UBR1: variants seen among roughly 807,000 people sequenced by gnomAD.
UBR1 encodes E3 ubiquitin-protein ligase UBR1.
Under a neutral mutation model 242.1 loss-of-function variants are expected in UBR1, and 102 were observed. That is an observed-to-expected ratio of 0.42 (90% CI 0.36 to 0.50). UBR1 has a LOEUF of 0.50. Among genes scored for constraint, UBR1 ranks in the 20% least tolerant of loss-of-function variants. UBR1 has a pLI of 0.01. For synonymous variants in UBR1, 675 were observed against 684.8 expected (o/e 0.99, Z 0.22); for missense variants, 1,772 against 2,101.8 (o/e 0.84, Z 3.07).
At chr15:43,002,448 T>C (rs781735226) in intron 32 of UBR1, 107 bp downstream of exon 32, 4 of 1,317,108 alleles carry the variant, frequency 3.0e-6, no homozygotes, top group Non-Finnish European at 4.3e-6. Context: ...CTCGAACCCC[T>C]GAGCTCTGGC....
chr15:43,048,194 A>T (rs918082493), intron 13 of UBR1, among the ~76,000 whole-genome samples, 198 bp downstream of exon 13: 4 of 152,126 alleles, frequency 2.6e-5, no homozygotes, highest in Non-Finnish European at 5.9e-5. Flanking sequence ...TTCGAAAAAA[A>T]AAAAAAAGTA....
intron 15 of UBR1, among the ~76,000 whole-genome samples, chr15:43,040,530 T>C (rs1451250230): frequency 2.0e-5 from 3 of 152,274 alleles, no homozygotes; most frequent in East Asian, 1.9e-4. Flanking sequence ...ATTCAGGACA[T>C]AGGCATGGGC....
intron 5 of UBR1, among the ~76,000 whole-genome samples, chr15:43,068,873 G>A (rs1038409280): frequency 4.6e-5 from 7 of 151,966 alleles, no homozygotes; most frequent in African/African-American, 1.7e-4. Context: ...CACCTGTCTC[G>A]GCCTGACTGT....
chr15:43,039,536 G>A (rs1049675562), intron 15 of UBR1, among the ~76,000 whole-genome samples: 5 of 152,212 alleles, frequency 3.3e-5, no homozygotes, highest in Non-Finnish European at 7.4e-5. Flanking sequence ...TTTGTATCCT[G>A]AGACTTTGCT....
intron 33 of UBR1, among the ~76,000 whole-genome samples, chr15:42,993,173 T>C (rs984534718): frequency 6.6e-6 from 1 of 152,186 alleles, no homozygotes; most frequent in Non-Finnish European, 1.5e-5. Context: ...AGGACTCAGC[T>C]GTTCTTGAGT....
At chr15:42,988,681 C>A in intron 35 of UBR1, 138 bp downstream of exon 35, 1 of 1,179,760 alleles carries the variant, frequency 8.5e-7, no homozygotes, top group Non-Finnish European at 1.3e-6. Context: ...GCATGAGCCA[C>A]ACTAATACAC....
chr15:43,084,039 C>G (rs904831514), intron 2 of UBR1, among the ~76,000 whole-genome samples: 1 of 152,112 alleles, frequency 6.6e-6, no homozygotes, highest in Non-Finnish European at 1.5e-5. Context: ...GAGCGAAACT[C>G]TGTCTCAAAA....
At chr15:43,088,137 A>C (rs1483314215) in intron 1 of UBR1, among the ~76,000 whole-genome samples, 1 of 152,228 alleles carries the variant, frequency 6.6e-6, no homozygotes, top group Non-Finnish European at 1.5e-5. Context: ...TCATTTAAAA[A>C]CTTTTTCAAT....
chr15:43,040,581 A>C (rs1331592479), intron 15 of UBR1, among the ~76,000 whole-genome samples: 1 of 152,220 alleles, frequency 6.6e-6, no homozygotes, highest in Non-Finnish European at 1.5e-5. Context: ...ATGGCAACAA[A>C]AGACAAAATT....
chr15:43,054,697 A>C, intron 12 of UBR1, 45 bp downstream of exon 12: 1 of 1,606,308 alleles, frequency 6.2e-7, no homozygotes, highest in South Asian at 1.1e-5. Flanking sequence ...AAATAAGCAC[A>C]CTGAGTTTAA....
In UBR1 at chr15:43,030,055, T is replaced by C. The variant is rs201430048; in HGVS notation, c.2268A>G (p.Val756=). ...CTTTGGTCACATTTCCCACTCCAGGTACATAACGCTCACCTAGTTCAAATA... is the reference window on the plus strand; with the variant it reads ...CTTTGGTCACATTTCCCACTCCAGGCACATAACGCTCACCTAGTTCAAATA... The part of the protein sequence containing the change: ...VLIYIVGERY[V]PGVGNVTKEE... Residue 756 remains valine, a synonymous_variant, in exon 21 of 47, where the codon GTA becomes GTG. Transcript: ENST00000290650. 46 of 1,613,950 alleles carry C rather than the reference T, an allele frequency of 2.9e-5. No homozygotes were observed. The African/African-American group carries it at 4.8e-4, about 17-fold the overall frequency.
chr15:42,995,826 AAGG>A lies in UBR1; in HGVS notation c.3757+2339_3757+2341del, dbSNP rs1287938096. On this transcript the variant is annotated intron_variant, in intron 33 of 46. Transcript: ENST00000290650. ...GTGGTAAAGGTTTTGTTATAAAATG[AAGG>A]AGGAGGGGAAACTGACAGGACGTTG... is the stretch of plus-strand genomic sequence containing the variant. Among the ~76,000 whole-genome samples, 4 of 152,190 alleles carry A rather than the reference AAGG, an allele frequency of 2.6e-5. No individual in the cohort carries two copies. The South Asian group carries it at 8.3e-4, about 32-fold the overall frequency.
Position 42,956,806 on chromosome 15 carries a change from G to A in UBR1, c.4835+1207C>T, listed in dbSNP as rs553339817. ...TCTGGTGTGGCTTGCTTGTGTCAGG[G>A]TAGGCAATAGAGACGTCTTCCAAAA... On this transcript the variant is annotated intron_variant, in intron 44 of 46. Coordinates refer to ENST00000290650, the MANE Select transcript of UBR1 (RefSeq NM_174916.3). Among the ~76,000 whole-genome samples, 107 of 152,294 alleles carry A rather than the reference G, an allele frequency of 7.0e-4. 1 individual carries two copies. Among genetic ancestry groups the A allele is most frequent in the South Asian group, 2.7e-3 (13 of 4,826 alleles).
rs77055575 is a variant in UBR1 at position 43,018,970 on chromosome 15, G to A, written c.2941-1789C>T. Among the ~76,000 whole-genome samples the A allele has an allele frequency of 3.7e-3, 563 of 152,136 alleles. 3 individuals are homozygous for A. The highest frequency in any genetic ancestry group is 0.013 in the African/African-American group (546 of 41,492). ...ACTTTCTTAATAGTTACCTACTTTC[G>A]TTTGATTTTATAATCTTAAAATAAT... On this transcript the variant is annotated intron_variant, in intron 27 of 46. Transcript: ENST00000290650.
intron 21 of UBR1, among the ~76,000 whole-genome samples, chr15:43,029,445 T>C (rs1388510045): frequency 1.3e-5 from 2 of 152,238 alleles, no homozygotes; most frequent in East Asian, 3.9e-4. Context: ...AAGGCAGAGA[T>C]ACTAACGCAG....
chr15:42,995,595 G>A (rs545920817), intron 33 of UBR1, among the ~76,000 whole-genome samples: 1 of 152,162 alleles, frequency 6.6e-6, no homozygotes, highest in East Asian at 1.9e-4. Context: ...GTGAACCCGG[G>A]AGGTGGAGCT....
intron 32 of UBR1, among the ~76,000 whole-genome samples, chr15:43,000,545 G>A (rs2032708008): frequency 6.6e-6 from 1 of 152,172 alleles, no homozygotes; most frequent in Non-Finnish European, 1.5e-5. Flanking sequence ...AGTTAGGTAA[G>A]GCTTTGGAGT....
At chr15:43,014,098 G>A (rs1473064752) in intron 29 of UBR1, among the ~76,000 whole-genome samples, 1 of 152,262 alleles carries the variant, frequency 6.6e-6, no homozygotes, top group Non-Finnish European at 1.5e-5. Context: ...TGGCCGGGCT[G>A]GTCTCCAGCT....
rs1271672039 is a variant in UBR1 at position 43,007,142 on chromosome 15, C to T, written c.3352G>A (p.Ala1118Thr). Residue 1118 changes from alanine (A) to threonine (T), a missense_variant, in exon 30 of 47, where the codon GCC becomes ACC. Transcript: ENST00000290650. ...KIENNAMVLSACVQKSTALTQ... is the reference protein window; with the variant it reads ...KIENNAMVLSTCVQKSTALTQ... ...AAGGCAGTAGATTTCTGGACACAGG[C>T]CGATAATACCATGGCATTATTTTCT... 1.2e-6 allele frequency: 2 copies of T among 1,613,964 alleles called. No individual in the cohort carries two copies. Among genetic ancestry groups the T allele is most frequent in the Admixed American group, 1.7e-5 (1 of 59,982 alleles).
Sources: allele counts gnomAD v4.1 joint callset (sites outside exome capture counted in the v4.1 genomes callset), GRCh38; gene constraint gnomAD v4.1.1; transcripts MANE v1.5; gene names NCBI Gene and HGNC (gene_info 2026-07-23, HGNC 2026-07-21).